The following RIOK3 variants were observed in gnomAD, a reference collection of about 807,000 sequenced individuals.
The protein encoded by RIOK3 is RIO kinase 3, also known as serine/threonine-protein kinase RIO3.
RIOK3 carries 40 observed loss-of-function variants against 63.5 expected under a neutral mutation model. That is an observed-to-expected ratio of 0.63 (90% confidence interval 0.49 to 0.82). The LOEUF is 0.82. Among genes scored for constraint, RIOK3 ranks in the 40% least tolerant of loss-of-function variants. The pLI is 0.00. For missense variants in RIOK3, 557 were observed against 637.0 expected (o/e 0.87, Z 1.35); for synonymous variants, 193 against 205.0 (o/e 0.94, Z 0.50).
In RIOK3 at chr18:23,482,188, T is replaced by C. The variant is rs1305629938; in HGVS notation, c.*909T>C. ...AGAGAAATATCACAAATTAGAAATATTAAATCTAAGGATGAAAGGTATATA... is the reference window on the plus strand; with the variant it reads ...AGAGAAATATCACAAATTAGAAATACTAAATCTAAGGATGAAAGGTATATA... On this transcript the variant is annotated 3_prime_UTR_variant, in exon 13 of 13. Coordinates refer to ENST00000339486, the MANE Select transcript of RIOK3 (RefSeq NM_003831.5). 6.6e-6 allele frequency: 1 copy of C among 152,162 alleles called. No individual in the cohort carries two copies. The highest frequency in any genetic ancestry group is 6.5e-5 in the Admixed American group (1 of 15,274). 9.4% of individuals were successfully genotyped at this position (152,162 alleles called of 1,614,324 possible).
At chr18:23,456,254 A>G (rs2057340546) in intron 1 of RIOK3, 1 of 152,172 alleles carries the variant, frequency 6.6e-6, no homozygotes, top group Non-Finnish European at 1.5e-5. Context: ...ACTTCTTTAT[A>G]CTCTCAAAAA....
At chr18:23,460,814 A>G (rs2057368827) in intron 1 of RIOK3, among the ~76,000 whole-genome samples, 1 of 152,228 alleles carries the variant, frequency 6.6e-6, no homozygotes, top group Non-Finnish European at 1.5e-5. Flanking sequence ...GATGATAGAA[A>G]GCTTCAAGAG....
At chr18:23,479,857 A>T (rs2057519797) in intron 12 of RIOK3, among the ~76,000 whole-genome samples, 2 of 152,170 alleles carry the variant, frequency 1.3e-5, no homozygotes, top group Admixed American at 1.3e-4. Flanking sequence ...GATTACAGGC[A>T]TGAGCCACTG....
At chr18:23,472,876 C>T (rs1372744402) in intron 7 of RIOK3, among the ~76,000 whole-genome samples, 3 of 152,204 alleles carry the variant, frequency 2.0e-5, no homozygotes, top group Non-Finnish European at 4.4e-5. Context: ...AAATCCTACC[C>T]ATTGTCCTGT....
chr18:23,477,282 C>T lies in RIOK3; in HGVS notation c.1344+14C>T, dbSNP rs150613186. On this transcript the variant is annotated intron_variant, in intron 11 of 12. Transcript: ENST00000339486. ...AATGTCTCGCAGGTAGACGTGTAAA[C>T]CAATATGCCTTTTTTTGTTGGATGT... 140 of 1,600,894 alleles carry T rather than the reference C, an allele frequency of 8.7e-5. No individual in the cohort carries two copies. In the African/African-American group the frequency reaches 1.6e-3, roughly 18 times the overall value.
intron 7 of RIOK3, among the ~76,000 whole-genome samples, chr18:23,468,495 C>T (rs1260329271): frequency 1.3e-5 from 2 of 151,480 alleles, no homozygotes; most frequent in African/African-American, 2.4e-5. Context: ...TAGAGATGGG[C>T]TTTCACCATG....
intron 1 of RIOK3, among the ~76,000 whole-genome samples, chr18:23,459,007 A>G (rs1467205968): frequency 6.6e-6 from 1 of 152,142 alleles, no homozygotes; most frequent in Non-Finnish European, 1.5e-5. Context: ...ACAGGGTAGT[A>G]TAGTCTCTAG....
At chr18:23,480,551 G>GCACGCA (rs908549456) in intron 12 of RIOK3, among the ~76,000 whole-genome samples, 1 of 46,846 alleles carries the variant, frequency 2.1e-5, no homozygotes, top group Non-Finnish European at 4.1e-5. Flanking sequence ...ATACTTGGAT[G>GCACGCA]CACGCACACA....
At chr18:23,475,951 T>C in intron 9 of RIOK3, among the ~76,000 whole-genome samples, 2 of 148,506 alleles carry the variant, frequency 1.3e-5, no homozygotes, top group Middle Eastern at 3.4e-3. Flanking sequence ...CTTTTTTTTT[T>C]TTTTTTTTTT....
Position 23,481,476 on chromosome 18 carries a change from T to C in RIOK3, c.*197T>C, listed in dbSNP as rs542687139. On this transcript the variant is annotated 3_prime_UTR_variant, in exon 13 of 13. Transcript: ENST00000339486. The stretch of plus-strand genomic sequence containing the variant: ...TGAGAGAATAAAATGTCACTACCTC[T>C]CATCTTATGAACAGGATAATATAAT... 5.9e-5 allele frequency: 28 copies of C among 476,264 alleles called. No individual in the cohort carries two copies. Among genetic ancestry groups the C allele is most frequent in the Non-Finnish European group, 7.7e-5 (21 of 271,802 alleles). 29.5% of individuals were successfully genotyped at this position (476,264 alleles called of 1,614,324 possible).
rs781133229 is a variant in RIOK3 at position 23,473,655 on chromosome 18, C to G, written c.1013+29C>G. ...AAGAAAATATTGTGCTAGACGTAAT[C>G]TTGGGTAAATACCTTTTTGCATTAG... On this transcript the variant is annotated intron_variant, in intron 8 of 12. Coordinates refer to ENST00000339486, the MANE Select transcript of RIOK3 (RefSeq NM_003831.5). The G allele has an allele frequency of 2.5e-5, 39 of 1,533,154 alleles. No individual in the cohort carries two copies. In the Admixed American group the frequency reaches 6.7e-4, roughly 26 times the overall value. The allele number at this position is 1,533,154 out of a possible 1,614,324, so 95.0% of individuals were successfully genotyped here.
At chr18:23,462,102 GAAAT>G (rs1287026923) in intron 1 of RIOK3, among the ~76,000 whole-genome samples, 3 of 120,522 alleles carry the variant, frequency 2.5e-5, no homozygotes, top group Non-Finnish European at 5.4e-5. Context: ...AAAAAAAAAA[GAAAT>G]AAAATTTAAA....
intron 4 of RIOK3, 53 bp downstream of exon 4, chr18:23,464,366 A>C: frequency 1.5e-6 from 2 of 1,298,180 alleles, no homozygotes; most frequent in South Asian, 2.6e-5. Context: ...TAGGAAGACT[A>C]ATCTTTTCAA....
intron 7 of RIOK3, among the ~76,000 whole-genome samples, chr18:23,472,456 T>G (rs1348442275): frequency 2.0e-5 from 3 of 152,216 alleles, no homozygotes; most frequent in Non-Finnish European, 2.9e-5. Flanking sequence ...CTTTCCCAGA[T>G]TAACATCCTA....
intron 5 of RIOK3, 22 bp downstream of exon 5, chr18:23,464,650 T>C (rs2145679170): frequency 1.4e-6 from 2 of 1,396,286 alleles, no homozygotes; most frequent in African/African-American, 2.9e-5. Context: ...AAAGTATCTA[T>C]CTCTGAATTT....
At chr18:23,469,227 A>T (rs2057430818) in intron 7 of RIOK3, among the ~76,000 whole-genome samples, 1 of 151,234 alleles carries the variant, frequency 6.6e-6, no homozygotes, top group South Asian at 2.1e-4. Flanking sequence ...CAAGGGAAGG[A>T]GGTATTATAC....
chr18:23,455,888 C>T (rs1304797457), intron 1 of RIOK3, among the ~76,000 whole-genome samples: 4 of 152,198 alleles, frequency 2.6e-5, no homozygotes, highest in Admixed American at 6.5e-5. Context: ...ACCTCCGCCT[C>T]CTGGGTTCAA....
chr18:23,462,035 G>A (rs2057374899), intron 1 of RIOK3, among the ~76,000 whole-genome samples: 1 of 147,882 alleles, frequency 6.8e-6, no homozygotes, highest in South Asian at 2.2e-4. Context: ...AGATTGCAGT[G>A]AGCCGAGATC....
intron 1 of RIOK3, among the ~76,000 whole-genome samples, chr18:23,459,812 G>C (rs1327029362): frequency 1.3e-5 from 2 of 152,026 alleles, no homozygotes; most frequent in African/African-American, 4.8e-5. Flanking sequence ...CTGGAACTAT[G>C]GGCACCTGCC....
Sources: gnomAD v4.1 joint callset for allele counts (sites outside exome capture counted in the v4.1 genomes callset) on GRCh38, gnomAD v4.1.1 for gene constraint, MANE v1.5 for transcripts, NCBI Gene and HGNC (gene_info 2026-07-23, HGNC 2026-07-21) for gene names.